The following PIPOX variants were observed in gnomAD, a reference collection of about 807,000 sequenced individuals.
PIPOX encodes the protein peroxisomal sarcosine oxidase.
In PIPOX, 45 loss-of-function variants were observed where a neutral mutation model predicts 47.9. The ratio of observed to expected loss-of-function variants is 0.94; its 90% confidence interval spans 0.74 to 1.20. PIPOX has a LOEUF of 1.20. PIPOX is among the 50% of genes most tolerant of loss of function. The pLI is 0.00. For synonymous variants in PIPOX, 165 were observed against 191.3 expected, an observed-to-expected ratio of 0.86 and a Z score of 1.13; for missense variants, 458 against 498.4, an observed-to-expected ratio of 0.92 and a Z score of 0.77.
chr17:29,050,746 A>T (rs1376335345), intron 2 of PIPOX, among the ~76,000 whole-genome samples: 1 of 152,008 alleles, frequency 6.6e-6, no homozygotes, highest in Non-Finnish European at 1.5e-5. Flanking sequence ...CTGAGGCAGG[A>T]GGAGCTCGCT....
chr17:29,053,185 C>A, intron 3 of PIPOX, 52 bp downstream of exon 3: 1 of 1,546,298 alleles, frequency 6.5e-7, no homozygotes, highest in Non-Finnish European at 8.9e-7. Flanking sequence ...TCTGGGTGTC[C>A]TGGGTCCCAA....
At position 29,054,630 on chromosome 17, in the gene PIPOX, T is replaced by G. The variant is rs756401791; in HGVS notation, c.746T>G (p.Leu249Arg). ...CAGGCCTTTCCGTGCTTCCTGTGGC[T>G]GGGCTTGTGTCCCCACCACATCTAC... ...VSQAFPCFLW[L>R]GLCPHHIYGL... Residue 249 changes from leucine to arginine, a missense_variant, in exon 5 of 8, where the codon CTG becomes CGG. Coordinates refer to ENST00000323372, the MANE Select transcript of PIPOX (RefSeq NM_016518.3). The G allele has an allele frequency of 6.2e-7, 1 of 1,614,208 alleles. No individual in the cohort carries two copies. The highest frequency in any genetic ancestry group is 8.5e-7 in the Non-Finnish European group (1 of 1,180,014).
chr17:29,047,335 A>T (rs2065789462), intron 2 of PIPOX, among the ~76,000 whole-genome samples: 1 of 152,204 alleles, frequency 6.6e-6, no homozygotes. Flanking sequence ...AAAAACTAAG[A>T]GTTGCCTAAG....
At chr17:29,051,862 G>A (rs2065807732) in intron 2 of PIPOX, 2 of 453,360 alleles carry the variant, frequency 4.4e-6, no homozygotes, top group Admixed American at 2.4e-5. Context: ...AATGTGAGAG[G>A]CAGCACCAGG....
intron 1 of PIPOX, among the ~76,000 whole-genome samples, chr17:29,043,812 T>A (rs1449631635): frequency 1.3e-5 from 2 of 151,592 alleles, no homozygotes; most frequent in African/African-American, 2.4e-5. Context: ...CTTCTGTTTT[T>A]TTTTTTTATT....
intron 3 of PIPOX, 107 bp from the exon 4 acceptor site, chr17:29,053,306 C>A: frequency 7.9e-7 from 1 of 1,266,960 alleles, no homozygotes; most frequent in Admixed American, 2.1e-5. Context: ...CAATACAGGA[C>A]AGGTCTAGAT....
rs760728001 is a variant in PIPOX at position 29,056,256 on chromosome 17, C to G, written c.1124C>G (p.Ala375Gly). 6 of 1,614,082 alleles carry G rather than the reference C, an allele frequency of 3.7e-6. No homozygotes were observed. In the South Asian group the frequency reaches 6.6e-5, roughly 18 times the overall value. ...SMKLTPSYDL[A>G]PFRISRFPSL... ...AAATTAACACCATCTTATGACTTGG[C>G]ACCTTTTCGAATCAGCCGTTTCCCA... The change falls in exon 8 of 8, where the codon GCA becomes GGA. Residue 375 changes from alanine to glycine, a missense_variant. Transcript: ENST00000323372.
chr17:29,056,055 A>G, intron 7 of PIPOX, 120 bp from the exon 8 acceptor site: 1 of 1,389,042 alleles, frequency 7.2e-7, no homozygotes, highest in South Asian at 1.2e-5. Flanking sequence ...GTGGGAGGCC[A>G]CTTCTGGCTT....
chr17:29,052,854 T>C (rs1026178351), intron 2 of PIPOX, 66 bp from the exon 3 acceptor site: 2 of 1,389,808 alleles, frequency 1.4e-6, no homozygotes, highest in South Asian at 2.4e-5. Context: ...ATTACAGGCG[T>C]GAGTCGTCAC....
At chr17:29,055,289 T>A in intron 6 of PIPOX, 68 bp downstream of exon 6, 1 of 1,576,996 alleles carries the variant, frequency 6.3e-7, no homozygotes, top group African/African-American at 1.3e-5. Context: ...GAGACAGACC[T>A]TGCACTGGCC....
At chr17:29,050,663 C>T (rs935923993) in intron 2 of PIPOX, among the ~76,000 whole-genome samples, 8 of 151,880 alleles carry the variant, frequency 5.3e-5, no homozygotes, top group South Asian at 2.1e-4. Context: ...CACAGCGAGA[C>T]CCCTATTTCT....
At position 29,043,487 on chromosome 17, in the gene PIPOX, G is replaced by A. The variant is rs2065774282; in HGVS notation, c.114+148G>A. 1.4e-5 allele frequency: 8 copies of A among 567,334 alleles called. No homozygotes were observed. In the East Asian group the frequency reaches 2.4e-4, roughly 17 times the overall value. The allele number at this position is 567,334 out of a possible 1,614,324, so 35.1% of individuals were successfully genotyped here. A position where few individuals can be genotyped will look rare whatever the true frequency, so the allele number is the denominator to read the frequency against. ...GTGTAATTTGTATCTTAGCTGCCTA[G>A]TGTGTTTCATGGCAATTCAAAGAAG... On this transcript the variant is annotated intron_variant, in intron 1 of 7. Coordinates refer to ENST00000323372, the MANE Select transcript of PIPOX (RefSeq NM_016518.3).
chr17:29,052,142 G>A, intron 2 of PIPOX: 1 of 431,586 alleles, frequency 2.3e-6, no homozygotes, highest in Non-Finnish European at 4.8e-6. Flanking sequence ...AGACACACAG[G>A]AAGGGACAAA....
chr17:29,044,885 C>T lies in PIPOX; in HGVS notation c.141C>T (p.Ser47=), dbSNP rs1340320074. The change falls in exon 2 of 8, where the codon AGC becomes AGT. Residue 47 remains serine (S), a synonymous_variant. Transcript: ENST00000323372. The part of the protein sequence containing the change: ...EQFFLPHSRG[S]SHGQSRIIRK... ...TCTTTCTACCACACTCCCGAGGAAG[C>T]TCCCATGGACAAAGCCGGATAATCC... The T allele has an allele frequency of 2.5e-6, 4 of 1,613,356 alleles. No individual in the cohort carries two copies. Among genetic ancestry groups the T allele is most frequent in the African/African-American group, 1.3e-5 (1 of 75,006 alleles).
intron 2 of PIPOX, among the ~76,000 whole-genome samples, chr17:29,048,798 G>A (rs983073287): frequency 6.6e-6 from 1 of 152,148 alleles, no homozygotes; most frequent in Admixed American, 6.6e-5. Flanking sequence ...ATTCCACCTC[G>A]GCCCACTGAA....
At position 29,053,116 on chromosome 17, in the gene PIPOX, G is replaced by A; in HGVS notation, c.460G>A (p.Ala154Thr). The part of the protein sequence containing the change: ...NSGGVIYAYK[A>T]LRALQDAIRQ... ...CGGAGGAGTTATCTATGCATATAAG[G>A]CCCTCAGAGCCCTGCAGGTAATGTC... The change falls in exon 3 of 8, where the codon GCC (alanine) becomes ACC (threonine). Residue 154 changes from alanine to threonine, a missense_variant. Ala to Thr is a moderately conservative substitution (Grantham distance 58). Transcript: ENST00000323372. The A allele has an allele frequency of 6.2e-7, 1 of 1,614,004 alleles. No homozygotes were observed. Among genetic ancestry groups the A allele is most frequent in the Admixed American group, 1.7e-5 (1 of 60,022 alleles).
At chr17:29,056,085 C>G (rs1230475289) in intron 7 of PIPOX, 90 bp from the exon 8 acceptor site, 3 of 1,525,088 alleles carry the variant, frequency 2.0e-6, no homozygotes, top group Non-Finnish European at 2.7e-6. Flanking sequence ...ACCAGGAGGA[C>G]AGTCAGCCCT....
At position 29,044,964 on chromosome 17, in the gene PIPOX, A is replaced by G; in HGVS notation, c.220A>G (p.Ile74Val). 1 of 1,613,388 alleles carries G rather than the reference A, an allele frequency of 6.2e-7. No individual in the cohort carries two copies. Among genetic ancestry groups the G allele is most frequent in the Non-Finnish European group, 8.5e-7 (1 of 1,179,708 alleles). The change falls in exon 2 of 8, where the codon ATA becomes GTA. Residue 74 changes from isoleucine to valine, a missense_variant. Ile to Val is a conservative substitution (Grantham distance 29, BLOSUM62 3). Transcript: ENST00000323372. ...YTRMMHECYQ[I>V]WAQLEHEAGT... ...CCGGATGATGCATGAGTGCTATCAG[A>G]TATGGGCCCAGCTGGAGCACGAGGC...
intron 2 of PIPOX, among the ~76,000 whole-genome samples, chr17:29,050,755 C>T (rs947047326): frequency 6.6e-6 from 1 of 151,630 alleles, no homozygotes; most frequent in African/African-American, 2.4e-5. Flanking sequence ...GAGGAGCTCG[C>T]TTGCGGCTGC....
Sources: gnomAD v4.1 joint callset for allele counts (sites outside exome capture counted in the v4.1 genomes callset) on GRCh38, gnomAD v4.1.1 for gene constraint, MANE v1.5 for transcripts, NCBI Gene and HGNC (gene_info 2026-07-23, HGNC 2026-07-21) for gene names.